MSH4: variants seen among roughly 807,000 people sequenced by gnomAD.
MSH4 encodes the protein mutS homolog 4.
In MSH4, 106 loss-of-function variants were observed where a neutral mutation model predicts 113.7. The observed-to-expected ratio is 0.93, with a 90% CI of 0.80 to 1.10. MSH4 has a LOEUF of 1.10. Among genes scored for constraint, MSH4 ranks in the 50% least tolerant of loss-of-function variants. MSH4 has a pLI of 0.00. For missense variants in MSH4, 1,061 were observed against 1,093.7 expected (o/e 0.97, Z 0.42); for synonymous variants, 368 against 380.2 (o/e 0.97, Z 0.37).
At chr1:75,845,253 G>T (rs1014172340) in intron 7 of MSH4, among the ~76,000 whole-genome samples, 4 of 152,064 alleles carry the variant, frequency 2.6e-5, no homozygotes, top group Non-Finnish European at 4.4e-5. Context: ...CATCCCAATA[G>T]GCCTAAAGTC....
At chr1:75,890,203 C>G (rs968247426) in intron 16 of MSH4, among the ~76,000 whole-genome samples, 4 of 152,052 alleles carry the variant, frequency 2.6e-5, no homozygotes, top group African/African-American at 9.6e-5. Flanking sequence ...CTCCATTGGT[C>G]ATGGATTTAA....
chr1:75,807,432 A>G (rs752638135), intron 3 of MSH4, among the ~76,000 whole-genome samples: 4 of 152,180 alleles, frequency 2.6e-5, no homozygotes, highest in Non-Finnish European at 5.9e-5. Context: ...TCCAAAGGTA[A>G]TATATGTGAT....
At chr1:75,877,576 A>G (rs1351839368) in intron 10 of MSH4, among the ~76,000 whole-genome samples, 2 of 152,188 alleles carry the variant, frequency 1.3e-5, no homozygotes, top group Non-Finnish European at 2.9e-5. Context: ...TTAATTACAA[A>G]TAAAATATAG....
At chr1:75,859,133 G>A (rs184593395) in intron 8 of MSH4, among the ~76,000 whole-genome samples, 14 of 152,016 alleles carry the variant, frequency 9.2e-5, no homozygotes, top group South Asian at 6.2e-4. Context: ...TTTTTATTGC[G>A]TCTATTTGAT....
chr1:75,804,336 A>T (rs5745326), intron 2 of MSH4, among the ~76,000 whole-genome samples: 5 of 152,056 alleles, frequency 3.3e-5, no homozygotes, highest in Admixed American at 2.6e-4. Context: ...TAAGGTATAT[A>T]CAACAGAATT....
intron 8 of MSH4, among the ~76,000 whole-genome samples, chr1:75,859,569 G>A (rs1165165045): frequency 6.6e-6 from 1 of 152,166 alleles, no homozygotes; most frequent in Non-Finnish European, 1.5e-5. Flanking sequence ...TAGTTGTGTG[G>A]TTTTGAGTGA....
At chr1:75,819,206 C>T (rs1650354730) in intron 6 of MSH4, among the ~76,000 whole-genome samples, 1 of 152,150 alleles carries the variant, frequency 6.6e-6, no homozygotes, top group Non-Finnish European at 1.5e-5. Context: ...AAGTTATTGT[C>T]AATGGCTAAG....
intron 8 of MSH4, among the ~76,000 whole-genome samples, chr1:75,851,603 T>A (rs11587435): frequency 0.28 from 42,222 of 151,818 alleles, 6,166 homozygotes; most frequent in Middle Eastern, 0.37. Flanking sequence ...ACAGATGGGG[T>A]TTTGCCATGT....
intron 8 of MSH4, among the ~76,000 whole-genome samples, chr1:75,851,510 C>T (rs1651186689): frequency 6.6e-6 from 1 of 152,124 alleles, no homozygotes; most frequent in Admixed American, 6.5e-5. Flanking sequence ...CTCCCGGCTT[C>T]AAGTGATTCT....
intron 3 of MSH4, among the ~76,000 whole-genome samples, chr1:75,809,932 T>G (rs1650152187): frequency 6.6e-6 from 1 of 152,158 alleles, no homozygotes; most frequent in African/African-American, 2.4e-5. Context: ...ATTACAGGCG[T>G]GAGCCACCTC....
intron 15 of MSH4, among the ~76,000 whole-genome samples, chr1:75,885,056 T>TATATATA (rs1652038308): frequency 8.1e-6 from 1 of 123,112 alleles, no homozygotes; most frequent in African/African-American, 3.1e-5. Context: ...TGTGTGTGTG[T>TATATATA]GTGTATATAT....
chr1:75,898,487 T>G (rs1652432394), intron 18 of MSH4, among the ~76,000 whole-genome samples: 1 of 151,682 alleles, frequency 6.6e-6, no homozygotes, highest in South Asian at 2.1e-4. Flanking sequence ...TCTAAAATCT[T>G]AAATCTTAAA....
intron 7 of MSH4, among the ~76,000 whole-genome samples, chr1:75,844,007 C>G (rs1246684808): frequency 2.0e-5 from 3 of 152,084 alleles, no homozygotes; most frequent in Admixed American, 1.3e-4. Flanking sequence ...GATGGGGTTT[C>G]TCCATGTTGG....
chr1:75,803,705 A>G, intron 1 of MSH4, 26 bp from the exon 2 acceptor site: 1 of 1,469,894 alleles, frequency 6.8e-7, no homozygotes, highest in South Asian at 1.4e-5. Flanking sequence ...ATCTTTAAGA[A>G]TTGACTGTTA....
intron 15 of MSH4, among the ~76,000 whole-genome samples, chr1:75,884,961 A>G (rs866924780): frequency 6.7e-5 from 10 of 149,124 alleles, no homozygotes; most frequent in African/African-American, 2.0e-4. Flanking sequence ...ATATATGTAT[A>G]TATGTATATG....
intron 17 of MSH4, among the ~76,000 whole-genome samples, 155 bp downstream of exon 17, chr1:75,890,979 T>G (rs1652239292): frequency 6.6e-6 from 1 of 152,092 alleles, no homozygotes; most frequent in South Asian, 2.1e-4. Context: ...TCATTTCCAA[T>G]GAAAGTGGGA....
intron 6 of MSH4, among the ~76,000 whole-genome samples, chr1:75,820,462 GT>G (rs1469235919): frequency 7.9e-5 from 12 of 152,178 alleles, no homozygotes; most frequent in Non-Finnish European, 1.3e-4. Context: ...ACATTTTTTG[GT>G]TGGTAAGCTA....
In MSH4 at chr1:75,912,674, ATTTT is replaced by A. The variant is rs3037163; in HGVS notation, c.2620-13_2620-10del. The A allele has an allele frequency of 8.4e-4, 571 of 681,896 alleles. 3 individuals carry two copies. Among genetic ancestry groups the A allele is most frequent in the African/African-American group, 2.8e-3 (126 of 44,960 alleles). The allele number at this position is 681,896 out of a possible 1,614,324, so 42.2% of individuals were successfully genotyped here. ...ATGGTATTTGTGTATATATATATATATTTTTTTTTTTTCAATGACAGCAAAACCA... is the reference window on the plus strand; with the variant it reads ...ATGGTATTTGTGTATATATATATATATTTTTTTTCAATGACAGCAAAACCA... On this transcript the variant is annotated intron_variant, in intron 19 of 19. Transcript: ENST00000263187.
At chr1:75,818,359 C>CT (rs1234500575) in intron 6 of MSH4, among the ~76,000 whole-genome samples, 3 of 152,132 alleles carry the variant, frequency 2.0e-5, no homozygotes, top group Non-Finnish European at 4.4e-5. Flanking sequence ...CCTTGATCTT[C>CT]TTTTTTGTTC....
Sources: gnomAD v4.1 joint callset for allele counts (sites outside exome capture counted in the v4.1 genomes callset) on GRCh38, gnomAD v4.1.1 for gene constraint, MANE v1.5 for transcripts, NCBI Gene and HGNC (gene_info 2026-07-23, HGNC 2026-07-21) for gene names.